Variants in GREM2 observed in about 807,000 individuals in gnomAD.
GREM2 encodes gremlin-2.
In GREM2, 11 loss-of-function variants were observed where a neutral mutation model predicts 14.2. That is an observed-to-expected ratio of 0.78 (90% CI 0.49 to 1.28). GREM2 has a LOEUF of 1.28. Among genes scored for constraint, GREM2 ranks in the 50% most tolerant of loss-of-function variants. The pLI, the probability that GREM2 is intolerant of heterozygous loss-of-function variation, is 0.00. For missense variants in GREM2, 210 were observed against 218.5 expected (o/e 0.96, Z 0.24); for synonymous variants, 98 against 97.6 (o/e 1.00, Z -0.02).
Position 240,547,499 on chromosome 1 carries a change from C to CAA in GREM2, c.-1-54025_-1-54024dup, listed in dbSNP as rs200373636. On this transcript the variant is annotated intron_variant, in intron 1 of 1. Coordinates refer to ENST00000318160, the MANE Select transcript of GREM2 (RefSeq NM_022469.4). ...TGGGCGACAGAGTGAGACTCCATCT[C>CAA]AAAAAAAAAAAAAAAATATATATAT... Among the ~76,000 whole-genome samples, 626 of 87,528 alleles carry CAA rather than the reference C, an allele frequency of 7.2e-3. 16 individuals carry two copies. Among genetic ancestry groups the CAA allele is most frequent in the African/African-American group, 0.027 (568 of 20,888 alleles). The allele number at this position is 87,528 out of a possible 152,430, so 57.4% of individuals were successfully genotyped here. A position where few individuals can be genotyped will look rare whatever the true frequency, so the allele number is the denominator to read the frequency against.
At chr1:240,574,896 C>T (rs1679330000) in intron 1 of GREM2, among the ~76,000 whole-genome samples, 1 of 152,078 alleles carries the variant, frequency 6.6e-6, no homozygotes, top group African/African-American at 2.4e-5. Context: ...ATCACGAGGT[C>T]AAGAGATCTA....
At chr1:240,589,741 T>G (rs1216267218) in intron 1 of GREM2, among the ~76,000 whole-genome samples, 1 of 152,044 alleles carries the variant, frequency 6.6e-6, no homozygotes, top group Non-Finnish European at 1.5e-5. Flanking sequence ...GAAGGTGATG[T>G]GGGTAATAGG....
intron 1 of GREM2, among the ~76,000 whole-genome samples, chr1:240,561,672 G>A (rs1461143253): frequency 6.8e-6 from 1 of 147,352 alleles, no homozygotes; most frequent in African/African-American, 2.5e-5. Context: ...TTTGTCATTA[G>A]TCACACAAAA....
At chr1:240,502,117 A>G (rs1476092006) in intron 1 of GREM2, among the ~76,000 whole-genome samples, 1 of 152,146 alleles carries the variant, frequency 6.6e-6, no homozygotes, top group Non-Finnish European at 1.5e-5. Flanking sequence ...GCAGACGTCC[A>G]CTTCCCTCGG....
intron 1 of GREM2, among the ~76,000 whole-genome samples, chr1:240,521,417 AAC>A (rs1216502086): frequency 6.6e-6 from 1 of 151,508 alleles, no homozygotes; most frequent in Non-Finnish European, 1.5e-5. Flanking sequence ...AAATACAAAA[AAC>A]AATTAGCCGG....
intron 1 of GREM2, among the ~76,000 whole-genome samples, chr1:240,605,909 A>T (rs184373665): frequency 1.9e-4 from 29 of 152,238 alleles, no homozygotes; most frequent in African/African-American, 6.7e-4. Context: ...GTAAATTTTT[A>T]AAAAATTAAT....
At chr1:240,605,148 G>C (rs1163388931) in intron 1 of GREM2, among the ~76,000 whole-genome samples, 3 of 152,148 alleles carry the variant, frequency 2.0e-5, no homozygotes, top group African/African-American at 4.8e-5. Context: ...GGATGCGTCA[G>C]GTTATAAATG....
chr1:240,527,652 C>A (rs1398135765), intron 1 of GREM2, among the ~76,000 whole-genome samples: 2 of 152,166 alleles, frequency 1.3e-5, no homozygotes, highest in Admixed American at 6.5e-5. Context: ...GAAACAAATT[C>A]TCATTTATTC....
intron 1 of GREM2, among the ~76,000 whole-genome samples, chr1:240,541,874 C>T (rs1398327161): frequency 1.3e-5 from 2 of 152,142 alleles, no homozygotes; most frequent in Non-Finnish European, 2.9e-5. Context: ...AGGCTGAGTG[C>T]AGAGAATCCA....
intron 1 of GREM2, among the ~76,000 whole-genome samples, chr1:240,552,113 T>G (rs1572395388): frequency 6.6e-6 from 1 of 152,206 alleles, no homozygotes; most frequent in Non-Finnish European, 1.5e-5. Context: ...AGCAGTAATA[T>G]TACGATCCTT....
At chr1:240,551,375 G>A (rs1348359024) in intron 1 of GREM2, among the ~76,000 whole-genome samples, 1 of 152,070 alleles carries the variant, frequency 6.6e-6, no homozygotes, top group African/African-American at 2.4e-5. Flanking sequence ...TTGAGATGGA[G>A]TCTTGCTCTG....
intron 1 of GREM2, among the ~76,000 whole-genome samples, chr1:240,509,809 G>A (rs1188232390): frequency 6.6e-6 from 1 of 152,086 alleles, no homozygotes; most frequent in East Asian, 1.9e-4. Context: ...ATGGTAGAAG[G>A]GGCCATAGAA....
Position 240,575,902 on chromosome 1 carries a change from A to G in GREM2, c.-2+35982T>C, listed in dbSNP as rs758811856. 8.2e-5 allele frequency among the ~76,000 whole-genome samples: 5 copies of G among 60,888 alleles called. 1 individual carries two copies. The highest frequency in any genetic ancestry group is 1.4e-4 in the Non-Finnish European group (5 of 36,114). 39.9% of individuals were successfully genotyped at this position (60,888 alleles called of 152,430 possible). ...GCTTTGGTGTTGTGTGCTCTGCTGG[A>G]AAAAAAAAAAAAAAAGATGGAGGGG... On this transcript the variant is annotated intron_variant, in intron 1 of 1. Transcript: ENST00000318160.
At chr1:240,538,869 C>G (rs1158878315) in intron 1 of GREM2, among the ~76,000 whole-genome samples, 1 of 152,200 alleles carries the variant, frequency 6.6e-6, no homozygotes, top group East Asian at 1.9e-4. Context: ...AAACTTGGCA[C>G]ATTGGCTACA....
At chr1:240,604,306 CGT>C in intron 1 of GREM2, among the ~76,000 whole-genome samples, 2 of 117,358 alleles carry the variant, frequency 1.7e-5, no homozygotes, top group South Asian at 5.2e-4. Flanking sequence ...TATAACTATA[CGT>C]ATGTGTGTGT....
chr1:240,533,718 G>A (rs888669972), intron 1 of GREM2, among the ~76,000 whole-genome samples: 2 of 152,164 alleles, frequency 1.3e-5, no homozygotes, highest in African/African-American at 4.8e-5. Flanking sequence ...GGATGGGTGG[G>A]CAAGACAGAA....
intron 1 of GREM2, among the ~76,000 whole-genome samples, chr1:240,527,433 G>A (rs557462773): frequency 2.3e-4 from 35 of 152,112 alleles, no homozygotes; most frequent in Non-Finnish European, 4.1e-4. Flanking sequence ...TTCTTAGTGT[G>A]TACTCAGATT....
At position 240,543,445 on chromosome 1, in the gene GREM2, T is replaced by TATAAA. The variant is rs1678645983; in HGVS notation, c.-1-49974_-1-49970dup. Among the ~76,000 whole-genome samples the TATAAA allele has an allele frequency of 6.6e-6, 1 of 152,170 alleles. No individual in the cohort carries two copies. The highest frequency in any genetic ancestry group is 1.5e-5 in the Non-Finnish European group (1 of 68,036). ...GAGTTTGTTCAGGGGAACTCCCATA[T>TATAAA]ATAAAACCATCAGATCTGGTGAGAC... On this transcript the variant is annotated intron_variant, in intron 1 of 1. Coordinates refer to ENST00000318160, the MANE Select transcript of GREM2 (RefSeq NM_022469.4). This position sits in a 1 kb window ranked among gnomAD's most constrained non-coding sequence, Gnocchi z 6.4.
chr1:240,545,658 A>T (rs1241252085), intron 1 of GREM2, among the ~76,000 whole-genome samples: 2 of 152,132 alleles, frequency 1.3e-5, no homozygotes, highest in African/African-American at 2.4e-5. Context: ...CTCCAGGGAG[A>T]CAGCGTCAGA....
Sources: allele counts gnomAD v4.1 joint callset (sites outside exome capture counted in the v4.1 genomes callset), GRCh38; gene constraint gnomAD v4.1.1; non-coding constraint Gnocchi (gnomAD v3.1); transcripts MANE v1.5; gene names NCBI Gene and HGNC (gene_info 2026-07-23, HGNC 2026-07-21).